The following QRICH2 variants were observed in gnomAD, a reference collection of about 807,000 sequenced individuals.
QRICH2 encodes glutamine-rich protein 2.
In QRICH2, 119 loss-of-function variants were observed where a neutral mutation model predicts 168.3. The ratio of observed to expected loss-of-function variants is 0.71; its 90% CI spans 0.61 to 0.82. The LOEUF (loss-of-function observed/expected upper bound fraction) is 0.82. Ranked by LOEUF, QRICH2 falls within the 40% of genes least tolerant of loss-of-function variation. QRICH2 has a pLI of 0.00. For synonymous variants in QRICH2, 894 were observed against 951.2 expected, an observed-to-expected ratio of 0.94 and a Z score of 1.11; for missense variants, 2,241 against 2,491.6, an observed-to-expected ratio of 0.90 and a Z score of 2.14.
In QRICH2 at chr17:76,293,648, C is replaced by T. The variant is rs1266094553; in HGVS notation, c.1079G>A (p.Gly360Asp). 6.2e-7 allele frequency: 1 copy of T among 1,614,146 alleles called. No homozygotes were observed. The highest frequency in any genetic ancestry group is 8.5e-7 in the Non-Finnish European group (1 of 1,180,000). ...CAAGGGTAAGTCCTGTTGAACTGGA[C>T]CAGGACGTGCATTTCTTCTTGGTTG... ...STQPRRNARP[G>D]PVQQDLPLAR... is the part of the protein sequence containing the mutation. Residue 360 changes from glycine to aspartate, a missense_variant, in exon 4 of 19, where the codon GGT (glycine) becomes GAT (aspartate). This residue lies in a region of QRICH2 where 2,047 missense variants were observed against 2,303.8 expected (regional missense o/e 0.89). Transcript: ENST00000680821.
At position 76,281,814 on chromosome 17, in the gene QRICH2, C is replaced by T. The variant is rs2070792142; in HGVS notation, c.4263+50G>A. The T allele has an allele frequency of 5.0e-6, 8 of 1,594,752 alleles. No individual in the cohort carries two copies. Among genetic ancestry groups the T allele is most frequent in the Non-Finnish European group, 6.9e-6 (8 of 1,166,592 alleles). Reference sequence around the variant, plus strand: ...GGGTCTGCAGCAGGGTGGCCCTCCTCTGTGGGGCCATGTCCAGTTGCAGCA... The same window carrying T: ...GGGTCTGCAGCAGGGTGGCCCTCCTTTGTGGGGCCATGTCCAGTTGCAGCA... On this transcript the variant is annotated intron_variant, in intron 8 of 18. Transcript: ENST00000680821. This position sits in a 1 kb window ranked among gnomAD's most constrained non-coding sequence, Gnocchi z 4.4.
At chr17:76,302,562 T>C (rs2143388601) in intron 3 of QRICH2, among the ~76,000 whole-genome samples, 1 of 152,250 alleles carries the variant, frequency 6.6e-6, no homozygotes, top group Non-Finnish European at 1.5e-5. Flanking sequence ...CACAAAGGTC[T>C]TTACAAGAAG....
At chr17:76,286,328 G>T (rs1011365162) in intron 7 of QRICH2, among the ~76,000 whole-genome samples, 1 of 152,200 alleles carries the variant, frequency 6.6e-6, no homozygotes, top group Admixed American at 6.5e-5. Context: ...AAAAAGAATG[G>T]AGTATTGACA....
At chr17:76,276,888 G>T in intron 16 of QRICH2, 121 bp from the exon 17 acceptor site, 2 of 806,698 alleles carry the variant, frequency 2.5e-6, no homozygotes, top group Non-Finnish European at 3.9e-6. Flanking sequence ...GCTCTGGGAG[G>T]CACTAGGGTG....
At position 76,287,820 on chromosome 17, in the gene QRICH2, T is replaced by C; in HGVS notation, c.3876A>G (p.Arg1292=). The change falls in exon 6 of 19, where the codon AGA becomes AGG. Residue 1292 remains arginine, a synonymous_variant. Coordinates refer to ENST00000680821, the MANE Select transcript of QRICH2 (RefSeq NM_001388453.1). ...AGKELKAGEL[R]LQLGVLRVTV... ...TTTACCTGAGGACACCCAGCTGCAATCTCAGCTCTCCAGCTTTCAGTTCCT... is the reference window on the plus strand; with the variant it reads ...TTTACCTGAGGACACCCAGCTGCAACCTCAGCTCTCCAGCTTTCAGTTCCT... 6.2e-7 allele frequency: 1 copy of C among 1,613,888 alleles called. No individual in the cohort carries two copies. The highest frequency in any genetic ancestry group is 8.5e-7 in the Non-Finnish European group (1 of 1,179,822).
chr17:76,293,114 G>A lies in QRICH2; in HGVS notation c.1613C>T (p.Pro538Leu). The A allele has an allele frequency of 6.2e-7, 1 of 1,614,248 alleles. No homozygotes were observed. The change falls in exon 4 of 19, where the codon CCT (proline) becomes CTT (leucine). Residue 538 changes from proline (P) to leucine (L), a missense_variant. By Grantham distance (98) the Pro-to-Leu change is moderately conservative. This residue lies in a region of QRICH2 where 2,047 missense variants were observed against 2,303.8 expected (regional missense o/e 0.89). Coordinates refer to ENST00000680821, the MANE Select transcript of QRICH2 (RefSeq NM_001388453.1). ...PFTDQHGLVS[P>L]GLMPISADQQ... ...ATCTGCACTAATTGGCATCAAACCAGGTGATACCAAACCATGCTGGTCTGT... is the reference window on the plus strand; with the variant it reads ...ATCTGCACTAATTGGCATCAAACCAAGTGATACCAAACCATGCTGGTCTGT...
chr17:76,297,753 C>T (rs2070820701), intron 3 of QRICH2, among the ~76,000 whole-genome samples: 1 of 152,030 alleles, frequency 6.6e-6, no homozygotes, highest in Non-Finnish European at 1.5e-5. Context: ...GGGTCTCACT[C>T]TGTCACTCAG....
In QRICH2 at chr17:76,280,164, G is replaced by A; in HGVS notation, c.4627-10C>T. On this transcript the variant is annotated splice_polypyrimidine_tract_variant and intron_variant, in intron 11 of 18. Coordinates refer to ENST00000680821, the MANE Select transcript of QRICH2 (RefSeq NM_001388453.1). The surrounding 1 kb of genome is among the most constrained non-coding windows in gnomAD (Gnocchi z 7.4). ...GCTCCAGGCGGTCCAGCTGTGGCGG[G>A]GAAAGAGGGGCCAGGGGACCTCTAA... 1.9e-6 allele frequency: 3 copies of A among 1,612,742 alleles called. No homozygotes were observed. The highest frequency in any genetic ancestry group is 2.2e-5 in the East Asian group (1 of 44,870).
At chr17:76,285,975 A>C (rs551136195) in intron 7 of QRICH2, among the ~76,000 whole-genome samples, 1 of 152,124 alleles carries the variant, frequency 6.6e-6, no homozygotes, top group Non-Finnish European at 1.5e-5. Flanking sequence ...GATTGAGACC[A>C]TCCTGGCTAA....
Position 76,307,557 on chromosome 17 carries a change from G to A in QRICH2, c.442C>T (p.Pro148Ser). Residue 148 changes from proline (P) to serine (S), a missense_variant, in exon 1 of 19, where the codon CCG becomes TCG. By Grantham distance (74) the Pro-to-Ser change is moderately conservative (BLOSUM62 -1). Transcript: ENST00000680821. This position sits in a 1 kb window ranked among gnomAD's most constrained non-coding sequence, Gnocchi z 5.3. ...SGLDLAALEW[P>S]EEQEVGVRAF... ...CGCACGCCCACCTCCTGCTCCTCCG[G>A]CCACTCTAGCGCGGCCAGGTCAAGC... 2.5e-6 allele frequency: 4 copies of A among 1,585,618 alleles called. No homozygotes were observed. Among genetic ancestry groups the A allele is most frequent in the African/African-American group, 1.4e-5 (1 of 73,998 alleles).
At chr17:76,306,193 A>C (rs12451527) in intron 1 of QRICH2, among the ~76,000 whole-genome samples, 2 of 148,002 alleles carry the variant, frequency 1.4e-5, no homozygotes, top group South Asian at 2.1e-4. Flanking sequence ...AAAAAAAAAA[A>C]CCCAAAAAAA....
chr17:76,305,021 A>G (rs1011738642), intron 1 of QRICH2, 80 bp from the exon 2 acceptor site: 11 of 702,622 alleles, frequency 1.6e-5, no homozygotes, highest in East Asian at 5.6e-5. Context: ...ACAGATGCGC[A>G]CACACACTCT....
chr17:76,308,157 G>A lies in QRICH2; in HGVS notation c.-159C>T. ...CACTGGACAGAGCTCCTGCCTCCAG[G>A]GAATCTGCGCCTCCGCTCCCCGGCG... On this transcript the variant is annotated 5_prime_UTR_variant, in exon 1 of 19. Transcript: ENST00000680821. 1 of 985,378 alleles carries A rather than the reference G, an allele frequency of 1.0e-6. No individual in the cohort carries two copies. The highest frequency in any genetic ancestry group is 1.2e-6 in the Non-Finnish European group (1 of 829,898). The allele number at this position is 985,378 out of a possible 1,614,324, so 61.0% of individuals were successfully genotyped here.
Position 76,308,154 on chromosome 17 carries a change from C to G in QRICH2, c.-156G>C. 6.1e-6 allele frequency: 6 copies of G among 985,406 alleles called. No homozygotes were observed. Among genetic ancestry groups the G allele is most frequent in the Non-Finnish European group, 7.2e-6 (6 of 829,902 alleles). 61.0% of individuals were successfully genotyped at this position (985,406 alleles called of 1,614,324 possible). A position where few individuals can be genotyped will look rare whatever the true frequency, so the allele number is the denominator to read the frequency against. On this transcript the variant is annotated 5_prime_UTR_variant, in exon 1 of 19. Coordinates refer to ENST00000680821, the MANE Select transcript of QRICH2 (RefSeq NM_001388453.1). ...AGTCACTGGACAGAGCTCCTGCCTCCAGGGAATCTGCGCCTCCGCTCCCCG... is the reference window on the plus strand; with the variant it reads ...AGTCACTGGACAGAGCTCCTGCCTCGAGGGAATCTGCGCCTCCGCTCCCCG...
At chr17:76,282,989 C>G (rs965039026) in intron 7 of QRICH2, among the ~76,000 whole-genome samples, 2 of 152,110 alleles carry the variant, frequency 1.3e-5, no homozygotes, top group African/African-American at 4.8e-5. Context: ...ACACAGGTAC[C>G]CACAAAAGCA....
chr17:76,278,092 T>C lies in QRICH2; in HGVS notation c.5014A>G (p.Ile1672Val), dbSNP rs2070722180. 2 of 1,613,810 alleles carry C rather than the reference T, an allele frequency of 1.2e-6. No homozygotes were observed. Among genetic ancestry groups the C allele is most frequent in the African/African-American group, 1.3e-5 (1 of 74,948 alleles). ...CCGAAGTGGATCTGCACCTTCTCAA[T>C]GTTCATCAGCATCTTGGAGTGCATG... ...RSMHSKMLMN[I>V]EKVQIHFGGS... is the part of the protein sequence containing the mutation. The change falls in exon 15 of 19, where the codon ATT becomes GTT. Residue 1672 changes from isoleucine (I) to valine (V), a missense_variant. Transcript: ENST00000680821.
chr17:76,300,012 A>G (rs1416343966), intron 3 of QRICH2, among the ~76,000 whole-genome samples: 2 of 151,874 alleles, frequency 1.3e-5, no homozygotes, highest in African/African-American at 2.4e-5. Context: ...TTGTATTTTT[A>G]GTAGAGACGG....
At chr17:76,288,932 A>G (rs1445095698) in intron 5 of QRICH2, among the ~76,000 whole-genome samples, 1 of 151,328 alleles carries the variant, frequency 6.6e-6, no homozygotes, top group Admixed American at 6.6e-5. Context: ...GTGAAACCCC[A>G]TCTCTACTAA....
chr17:76,293,724 A>T lies in QRICH2; in HGVS notation c.1003T>A (p.Phe335Ile). The change falls in exon 4 of 19, where the codon TTC becomes ATC. Residue 335 changes from phenylalanine to isoleucine, a missense_variant. This residue lies in a region of QRICH2 where 2,047 missense variants were observed against 2,303.8 expected (regional missense o/e 0.89). Transcript: ENST00000680821. ...CTGTGACGATCTGAGTCTGATTTGA[A>T]TTGGAATGTAGAAGACTGATGGAGT... ...PRLHQSSTFQ[F>I]KSDSDRHRSR... 6.2e-7 allele frequency: 1 copy of T among 1,614,134 alleles called. No homozygotes were observed. The highest frequency in any genetic ancestry group is 8.5e-7 in the Non-Finnish European group (1 of 1,180,026).
Sources: gnomAD v4.1 joint callset for allele counts (sites outside exome capture counted in the v4.1 genomes callset) on GRCh38, gnomAD v4.1.1 for gene constraint, gnomAD v4.1.1 regional missense constraint, Gnocchi (gnomAD v3.1) non-coding constraint, MANE v1.5 for transcripts, NCBI Gene and HGNC (gene_info 2026-07-23, HGNC 2026-07-21) for gene names.